The following NRBP1 variants were observed in gnomAD, a reference collection of about 807,000 sequenced individuals.
NRBP1 encodes the protein nuclear receptor binding protein 1.
In NRBP1, 10 loss-of-function variants were observed where a neutral mutation model predicts 76.0. That is an observed-to-expected ratio of 0.13 (90% CI 0.08 to 0.22). The LOEUF is 0.22. Among genes scored for constraint, NRBP1 ranks in the 10% least tolerant of loss-of-function variants. The probability of loss-of-function intolerance (pLI) is 1.00; values close to 1 mark genes in which losing one functional copy is unlikely to be tolerated. For missense variants in NRBP1, 344 were observed against 646.0 expected (o/e 0.53, Z 5.07); for synonymous variants, 235 against 240.2 (o/e 0.98, Z 0.20).
intron 1 of NRBP1, among the ~76,000 whole-genome samples, chr2:27,430,461 CTTTTTTTCTTTT>C (rs1253579248): frequency 1.7e-5 from 2 of 115,836 alleles, no homozygotes; most frequent in Non-Finnish European, 3.6e-5. Flanking sequence ...TCTTTTCTTT[CTTTTTTTCTTTT>C]TTTTTTTTTT....
chr2:27,430,453 TTTTC>T (rs1175813710), intron 1 of NRBP1, among the ~76,000 whole-genome samples: 6 of 134,844 alleles, frequency 4.4e-5, no homozygotes, highest in Non-Finnish European at 6.2e-5. Context: ...TTTCTTTTTC[TTTTC>T]TTTCTTTTTT....
chr2:27,435,613 T>C (rs1004578367), intron 7 of NRBP1: 20 of 714,030 alleles, frequency 2.8e-5, no homozygotes, highest in Middle Eastern at 2.3e-4. Flanking sequence ...CTGTGTGCTG[T>C]GTCTGTGTGG....
In NRBP1 at chr2:27,436,733, G is replaced by GA. The variant is rs1664322237; in HGVS notation, c.662-20_662-19insA. The GA allele has an allele frequency of 6.2e-7, 1 of 1,602,834 alleles. No individual in the cohort carries two copies. The highest frequency in any genetic ancestry group is 2.2e-5 in the East Asian group (1 of 44,834). On this transcript the variant is annotated intron_variant, in intron 7 of 17. Transcript: ENST00000379852. ...CTTCATTGATGATGGTCAGATTGTGGGTGTCTCCCCTACTCCCAGTGGCTC... is the reference window on the plus strand; with the variant it reads ...CTTCATTGATGATGGTCAGATTGTGGAGTGTCTCCCCTACTCCCAGTGGCTC...
At position 27,438,810 on chromosome 2, in the gene NRBP1, T is replaced by C. The variant is rs370089391; in HGVS notation, c.904-956T>C. On this transcript the variant is annotated intron_variant, in intron 10 of 17. Coordinates refer to ENST00000379852, the MANE Select transcript of NRBP1 (RefSeq NM_013392.4). ...CCCTATCTCTATGAAAAAATAAAAATTATCTGGGTATGGTGGCACATGCCT... is the reference window on the plus strand; with the variant it reads ...CCCTATCTCTATGAAAAAATAAAAACTATCTGGGTATGGTGGCACATGCCT... 5.9e-5 allele frequency among the ~76,000 whole-genome samples: 9 copies of C among 152,114 alleles called. No homozygotes were observed. The East Asian group carries it at 1.7e-3, about 29-fold the overall frequency.
In NRBP1 at chr2:27,432,994, C is replaced by T. The variant is rs1474470073; in HGVS notation, c.-20-260C>T. Among the ~76,000 whole-genome samples the T allele has an allele frequency of 2.0e-5, 3 of 152,136 alleles. No individual in the cohort carries two copies. In the East Asian group the frequency reaches 5.8e-4, roughly 29 times the overall value. ...CCCTGGTTCAAAAAAATTCTCCTGC[C>T]TTAGTCTCCTGAGTAGCTAGGACTA... On this transcript the variant is annotated intron_variant, in intron 1 of 17. Transcript: ENST00000379852.
chr2:27,429,567 T>C (rs912018681), intron 1 of NRBP1, among the ~76,000 whole-genome samples: 1 of 152,176 alleles, frequency 6.6e-6, no homozygotes, highest in Non-Finnish European at 1.5e-5. Flanking sequence ...CTTTTCCATG[T>C]GTTATCTCTT....
chr2:27,441,023 G>C, intron 14 of NRBP1, 83 bp downstream of exon 14: 2 of 1,608,908 alleles, frequency 1.2e-6, no homozygotes, highest in South Asian at 2.2e-5. Flanking sequence ...CTATCCTTTA[G>C]AGAAAATGCT....
chr2:27,432,286 A>T (rs1664141965), intron 1 of NRBP1, among the ~76,000 whole-genome samples: 1 of 152,238 alleles, frequency 6.6e-6, no homozygotes, highest in African/African-American at 2.4e-5. Flanking sequence ...TCTAAGTGGG[A>T]TTAGACTGCC....
upstream of NRBP1, chr2:27,428,454 C>T (rs923737312): frequency 7.7e-6 from 3 of 390,884 alleles, no homozygotes; most frequent in Admixed American, 4.5e-5. Context: ...AACATCGACC[C>T]CTCCGAGAGG....
Position 27,440,958 on chromosome 2 carries a change from G to A in NRBP1, c.1329+18G>A. 6.2e-7 allele frequency: 1 copy of A among 1,612,826 alleles called. No individual in the cohort carries two copies. Among genetic ancestry groups the A allele is most frequent in the Non-Finnish European group, 8.5e-7 (1 of 1,180,026 alleles). On this transcript the variant is annotated intron_variant, in intron 14 of 17. Transcript: ENST00000379852. ...CTCGCAAGGTGGGGGCTGTGTGGGTGTGGATTGTCTCCATGGTTGTGGTGG... is the reference window on the plus strand; with the variant it reads ...CTCGCAAGGTGGGGGCTGTGTGGGTATGGATTGTCTCCATGGTTGTGGTGG...
chr2:27,440,501 C>T lies in NRBP1; in HGVS notation c.1135C>T (p.Gln379Ter). 6.2e-7 allele frequency: 1 copy of T among 1,613,678 alleles called. No homozygotes were observed. Among genetic ancestry groups the T allele is most frequent in the Non-Finnish European group, 8.5e-7 (1 of 1,179,572 alleles). The change falls in exon 12 of 18, where the codon CAG becomes TAG. Residue 379 changes from glutamine to a stop codon, truncating the protein, a stop_gained. Transcript: ENST00000379852. LOFTEE classifies it high-confidence loss of function. ...IPAGPGREPV[Q>*]TLYSQSPALE... ...TGCAGGACCAGGAAGAGAACCAGTT[C>T]AGACTTTGTGAGTAACTGAGAGGGT...
Position 27,434,755 on chromosome 2 carries a change from G to T in NRBP1, c.559G>T (p.Ala187Ser). ...GCGTTGGTGCACACAAATCCTCTCT[G>T]CCCTAAGGTAAGTAGTACCTGGTTA... Reference protein sequence around the residue: ...WKRWCTQILSALSYLHSCDPP... With the variant: ...WKRWCTQILSSLSYLHSCDPP... Residue 187 changes from alanine (A) to serine (S), a missense_variant, in exon 6 of 18, where the codon GCC (alanine) becomes TCC (serine). Ala to Ser is a moderately conservative substitution (Grantham distance 99). Around this residue, in one of 3 missense-constraint regions of NRBP1, gnomAD observed 73 missense variants for 287.8 expected, o/e 0.25. Coordinates refer to ENST00000379852, the MANE Select transcript of NRBP1 (RefSeq NM_013392.4). 6.2e-7 allele frequency: 1 copy of T among 1,614,112 alleles called. No homozygotes were observed. The highest frequency in any genetic ancestry group is 8.5e-7 in the Non-Finnish European group (1 of 1,179,992).
chr2:27,436,305 A>G (rs188487420), intron 7 of NRBP1: 13 of 193,470 alleles, frequency 6.7e-5, no homozygotes, highest in East Asian at 1.4e-4. Flanking sequence ...GAGGTCTCCA[A>G]TTGTCCCAGA....
In NRBP1 at chr2:27,433,729, G is replaced by A. The variant is rs778973335; in HGVS notation, c.267G>A (p.Glu89=). 1.9e-6 allele frequency: 3 copies of A among 1,614,226 alleles called. No homozygotes were observed. The highest frequency in any genetic ancestry group is 1.7e-5 in the Admixed American group (1 of 60,030). The change falls in exon 3 of 18, where the codon GAG becomes GAA. Residue 89 remains glutamate, a synonymous_variant. Transcript: ENST00000379852. ...IDSAYLAMDT[E]EGVEVVWNEV... is the part of the protein sequence containing the mutation. ...GTGCATACCTGGCCATGGATACAGA[G>A]GAAGGTGTAGAGGTTGTGTGGAATG...
At position 27,442,134 on chromosome 2, in the gene NRBP1, C is replaced by A; in HGVS notation, c.*322C>A. On this transcript the variant is annotated 3_prime_UTR_variant, in exon 18 of 18. Transcript: ENST00000379852. ...AGGAGGCCCACGGGCACTAGGGGAGCCGAATTCTACAATCCCGCTGGGGCG... is the reference window on the plus strand; with the variant it reads ...AGGAGGCCCACGGGCACTAGGGGAGACGAATTCTACAATCCCGCTGGGGCG... The A allele has an allele frequency of 1.9e-6, 1 of 529,708 alleles. No homozygotes were observed. The highest frequency in any genetic ancestry group is 3.3e-6 in the Non-Finnish European group (1 of 302,878). The allele number at this position is 529,708 out of a possible 1,614,324, so 32.8% of individuals were successfully genotyped here.
chr2:27,436,769 C>A lies in NRBP1; in HGVS notation c.678C>A (p.Ile226=), dbSNP rs374901760. The A allele has an allele frequency of 1.3e-4, 203 of 1,613,824 alleles. No homozygotes were observed. The highest frequency in any genetic ancestry group is 1.7e-4 in the Non-Finnish European group (200 of 1,179,892). Reference sequence around the variant, plus strand: ...TACTCCCAGTGGCTCCTGACACTATCAACAATCATGTGAAGACTTGTCGAG... The same window carrying A: ...TACTCCCAGTGGCTCCTGACACTATAAACAATCATGTGAAGACTTGTCGAG... ...IKIGSVAPDT[I]NNHVKTCREE... Residue 226 remains isoleucine (I), a synonymous_variant, in exon 8 of 18, where the codon ATC becomes ATA. Transcript: ENST00000379852.
At position 27,438,967 on chromosome 2, in the gene NRBP1, G is replaced by A. The variant is rs1476137046; in HGVS notation, c.904-799G>A. Among the ~76,000 whole-genome samples the A allele has an allele frequency of 4.0e-5, 6 of 151,860 alleles. 1 individual carries two copies. The highest frequency in any genetic ancestry group is 3.9e-4 in the Admixed American group (6 of 15,236). On this transcript the variant is annotated intron_variant, in intron 10 of 17. Coordinates refer to ENST00000379852, the MANE Select transcript of NRBP1 (RefSeq NM_013392.4). ...CAGCAAGACCCTGTCTCAGAAAAAAGAAAGAAAGAAAATAAGGCAGAATCG... is the reference window on the plus strand; with the variant it reads ...CAGCAAGACCCTGTCTCAGAAAAAAAAAAGAAAGAAAATAAGGCAGAATCG...
Position 27,433,343 on chromosome 2 carries a change from G to C in NRBP1, c.70G>C (p.Ala24Pro). The C allele has an allele frequency of 1.9e-6, 3 of 1,614,254 alleles. No individual in the cohort carries two copies. Among genetic ancestry groups the C allele is most frequent in the Non-Finnish European group, 2.5e-6 (3 of 1,180,054 alleles). Residue 24 changes from alanine (A) to proline (P), a missense_variant, in exon 2 of 18, where the codon GCT becomes CCT. Transcript: ENST00000379852. ...CCCAAAGGTAGAATCCTCATCTTCA[G>C]CTCCTGGCCTGACATCAGTGTCACC... ...SDPKVESSSS[A>P]PGLTSVSPPV...
In NRBP1 at chr2:27,441,579, C is replaced by T. The variant is rs1228525765; in HGVS notation, c.1460C>T (p.Pro487Leu). Residue 487 changes from proline (P) to leucine (L), a missense_variant, in exon 17 of 18, where the codon CCC (proline) becomes CTC (leucine). By Grantham distance (98) the Pro-to-Leu change is moderately conservative. This residue lies in a region of NRBP1 where 218 missense variants were observed against 309.8 expected (regional missense o/e 0.70). Transcript: ENST00000379852. ...SCDLMPNENI[P>L]ELAAELVQLG... is the part of the protein sequence containing the mutation. ...GTTTCTTTGTCAGATGAGAATATCC[C>T]CGAGTTGGCGGCTGAGCTGGTGCAG... 1 of 1,613,996 alleles carries T rather than the reference C, an allele frequency of 6.2e-7. No homozygotes were observed. Among genetic ancestry groups the T allele is most frequent in the East Asian group, 2.2e-5 (1 of 44,894 alleles).
Sources: gnomAD v4.1 joint callset for allele counts (sites outside exome capture counted in the v4.1 genomes callset) on GRCh38, gnomAD v4.1.1 for gene constraint, gnomAD v4.1.1 regional missense constraint, MANE v1.5 for transcripts, NCBI Gene and HGNC (gene_info 2026-07-23, HGNC 2026-07-21) for gene names.